Variants in FGF12 observed in about 807,000 individuals in gnomAD.
FGF12 encodes fibroblast growth factor 12B.
In FGF12, 14 loss-of-function variants were observed where a neutral mutation model predicts 23.6. That is an observed-to-expected ratio of 0.59 (90% CI 0.39 to 0.93). The LOEUF (loss-of-function observed/expected upper bound fraction) is 0.93, where lower values mean the gene tolerates loss of function less well. FGF12 is among the 40% of genes least tolerant of loss of function. The pLI, the probability that FGF12 is intolerant of heterozygous loss-of-function variation, is 0.00. For synonymous variants in FGF12, 62 were observed against 77.3 expected (o/e 0.80, Z 1.04); for missense variants, 175 against 217.8 (o/e 0.80, Z 1.24).
intron 2 of FGF12, among the ~76,000 whole-genome samples, chr3:192,364,656 A>C (rs1166950118): frequency 2.0e-5 from 3 of 152,206 alleles, no homozygotes; most frequent in Admixed American, 2.0e-4. Flanking sequence ...CCAGATTAAG[A>C]TAACATAGCC....
At chr3:192,377,541 C>T (rs1386136457) in intron 2 of FGF12, among the ~76,000 whole-genome samples, 1 of 152,136 alleles carries the variant, frequency 6.6e-6, no homozygotes, top group East Asian at 1.9e-4. Context: ...CTTATTTTAG[C>T]GTCAATGTTT....
intron 2 of FGF12, among the ~76,000 whole-genome samples, chr3:192,436,418 C>T (rs1249527717): frequency 6.6e-6 from 1 of 152,210 alleles, no homozygotes; most frequent in Non-Finnish European, 1.5e-5. Context: ...CTGGGCCTTA[C>T]TTCCAGATTT....
At chr3:192,396,390 T>C (rs890716846) in intron 2 of FGF12, among the ~76,000 whole-genome samples, 3 of 152,210 alleles carry the variant, frequency 2.0e-5, no homozygotes, top group African/African-American at 7.2e-5. Context: ...CTACCCAACA[T>C]TTATATTGCT....
chr3:192,591,656 C>A (rs1713630275), intron 2 of FGF12, among the ~76,000 whole-genome samples: 1 of 151,822 alleles, frequency 6.6e-6, no homozygotes, highest in African/African-American at 2.4e-5. Context: ...ATTTAGTACC[C>A]AACATAAGCA....
At chr3:192,646,811 AAT>A (rs1716022036) in intron 2 of FGF12, among the ~76,000 whole-genome samples, 2 of 152,150 alleles carry the variant, frequency 1.3e-5, no homozygotes, top group African/African-American at 4.8e-5. Flanking sequence ...CAACTCTACG[AAT>A]ATACTGAAAA....
At chr3:192,633,213 T>C (rs1008736793) in intron 2 of FGF12, among the ~76,000 whole-genome samples, 2 of 151,980 alleles carry the variant, frequency 1.3e-5, no homozygotes, top group African/African-American at 2.4e-5. Context: ...GCCCAGCTAG[T>C]TTTTGTATTT....
chr3:192,325,588 A>G (rs1286223454), intron 4 of FGF12, among the ~76,000 whole-genome samples: 1 of 152,158 alleles, frequency 6.6e-6, no homozygotes, highest in Non-Finnish European at 1.5e-5. Flanking sequence ...ACTTTCCATG[A>G]GAAAGTACGT....
At chr3:192,212,136 A>G (rs1188594934) in intron 4 of FGF12, among the ~76,000 whole-genome samples, 20 of 152,218 alleles carry the variant, frequency 1.3e-4, no homozygotes, top group Non-Finnish European at 2.8e-4. Context: ...CTACCTTTAA[A>G]TACTGAAATC....
intron 4 of FGF12, among the ~76,000 whole-genome samples, chr3:192,177,079 C>T (rs1163929531): frequency 6.6e-6 from 1 of 152,192 alleles, no homozygotes; most frequent in Non-Finnish European, 1.5e-5. Context: ...GTCCAGGACA[C>T]ATGGAGAAAT....
intron 4 of FGF12, among the ~76,000 whole-genome samples, chr3:192,237,331 T>C (rs951291284): frequency 3.9e-5 from 6 of 152,156 alleles, no homozygotes; most frequent in Non-Finnish European, 8.8e-5. Flanking sequence ...TCATCTTGTA[T>C]AGTATTTTGC....
intron 4 of FGF12, among the ~76,000 whole-genome samples, chr3:192,287,840 A>G (rs1714540192): frequency 6.6e-6 from 1 of 152,090 alleles, no homozygotes; most frequent in Non-Finnish European, 1.5e-5. Flanking sequence ...TATTTTCAAA[A>G]AAAAGAAAAA....
intron 5 of FGF12, among the ~76,000 whole-genome samples, chr3:192,156,069 C>CT (rs532542833): frequency 6.6e-6 from 1 of 152,096 alleles, no homozygotes; most frequent in East Asian, 1.9e-4. Flanking sequence ...TTTTAAATCT[C>CT]TTTTTTTTCT....
At chr3:192,456,820 T>A (rs745340049) in intron 2 of FGF12, among the ~76,000 whole-genome samples, 3 of 152,188 alleles carry the variant, frequency 2.0e-5, no homozygotes, top group African/African-American at 4.8e-5. Context: ...GAATGTATGA[T>A]TCCTATACAC....
chr3:192,260,901 C>T (rs143623988), intron 4 of FGF12, among the ~76,000 whole-genome samples: 3 of 152,118 alleles, frequency 2.0e-5, no homozygotes, highest in South Asian at 2.1e-4. Context: ...AGGAGAGTAC[C>T]GCTGTATTGA....
chr3:192,638,387 G>T (rs1387709269), intron 2 of FGF12, among the ~76,000 whole-genome samples: 1 of 152,122 alleles, frequency 6.6e-6, no homozygotes, highest in Non-Finnish European at 1.5e-5. Flanking sequence ...CAATGATGAT[G>T]TTACTTAAAT....
At chr3:192,618,001 C>CTG (rs1714827188) in intron 2 of FGF12, among the ~76,000 whole-genome samples, 1 of 152,000 alleles carries the variant, frequency 6.6e-6, no homozygotes, top group Non-Finnish European at 1.5e-5. Context: ...ATGACTCCAT[C>CTG]TGTATACCCA....
At chr3:192,396,825 A>G (rs1296533150) in intron 2 of FGF12, among the ~76,000 whole-genome samples, 1 of 152,216 alleles carries the variant, frequency 6.6e-6, no homozygotes, top group Non-Finnish European at 1.5e-5. Context: ...CTGCATAATC[A>G]CAAAGAAAAC....
intron 2 of FGF12, among the ~76,000 whole-genome samples, chr3:192,382,549 T>C (rs985867926): frequency 1.3e-5 from 2 of 151,914 alleles, no homozygotes; most frequent in African/African-American, 4.8e-5. Context: ...AAAAAATACG[T>C]TGGTATAAAA....
chr3:192,325,260 T>C (rs1424952160), intron 4 of FGF12, among the ~76,000 whole-genome samples: 2 of 152,130 alleles, frequency 1.3e-5, no homozygotes, highest in East Asian at 3.8e-4. Flanking sequence ...GCAAAATAGA[T>C]AATCCTTTTC....
Sources: gnomAD v4.1 joint callset for allele counts (sites outside exome capture counted in the v4.1 genomes callset) on GRCh38, gnomAD v4.1.1 for gene constraint, MANE v1.5 for transcripts, NCBI Gene and HGNC (gene_info 2026-07-23, HGNC 2026-07-21) for gene names.